The following LPP variants were observed in gnomAD, a reference collection of about 807,000 sequenced individuals.
LPP encodes the protein lipoma-preferred partner.
Under a neutral mutation model 60.4 loss-of-function variants are expected in LPP, and 38 were observed. The ratio of observed to expected loss-of-function variants is 0.63; its 90% CI spans 0.49 to 0.83. LPP has a LOEUF of 0.83. LPP is among the 40% of genes least tolerant of loss of function. The pLI, the probability that LPP is intolerant of heterozygous loss-of-function variation, is 0.00. For synonymous variants in LPP, 328 were observed against 290.8 expected (o/e 1.13, Z -1.30); for missense variants, 902 against 783.6 (o/e 1.15, Z -1.80).
intron 8 of LPP, among the ~76,000 whole-genome samples, chr3:188,739,143 G>A (rs1357861174): frequency 6.6e-6 from 1 of 152,020 alleles, no homozygotes; most frequent in African/African-American, 2.4e-5. Context: ...ATTTGAAGAA[G>A]GAAGAAGTTA....
chr3:188,866,438 C>A, intron 10 of LPP, 60 bp downstream of exon 10: 1 of 1,295,506 alleles, frequency 7.7e-7, no homozygotes, highest in African/African-American at 1.5e-5. Context: ...GTTCTTACTG[C>A]TTGGCATCTG....
intron 9 of LPP, among the ~76,000 whole-genome samples, chr3:188,821,930 T>A (rs574114168): frequency 1.0e-3 from 158 of 152,240 alleles, no homozygotes; most frequent in Non-Finnish European, 1.6e-3. Flanking sequence ...TAAATTATGA[T>A]CTATTGATTT....
At chr3:188,250,618 A>G (rs571334913) in intron 2 of LPP, among the ~76,000 whole-genome samples, 1 of 152,170 alleles carries the variant, frequency 6.6e-6, no homozygotes, top group East Asian at 1.9e-4. Flanking sequence ...CTCTCTTCAC[A>G]TTCATCATTC....
rs558767888 is a variant in LPP, at chr3:188,716,937, A to G, written c.1240+8544A>G. Among the ~76,000 whole-genome samples, 4 of 152,348 alleles carry G rather than the reference A, an allele frequency of 2.6e-5. No homozygotes were observed. In the South Asian group the frequency reaches 8.3e-4, roughly 32 times the overall value. ...CTACCCCTAGATTATCATTATTATTATTACATGATTTCAACTAACATTTAT... is the reference window on the plus strand; with the variant it reads ...CTACCCCTAGATTATCATTATTATTGTTACATGATTTCAACTAACATTTAT... On this transcript the variant is annotated intron_variant, in intron 8 of 11. Transcript: ENST00000617246.
chr3:188,492,740 G>A (rs932047886), intron 5 of LPP, among the ~76,000 whole-genome samples: 2 of 151,980 alleles, frequency 1.3e-5, no homozygotes, highest in African/African-American at 2.4e-5. Context: ...AAAATCAAAC[G>A]ATGTAGATTA....
intron 2 of LPP, among the ~76,000 whole-genome samples, chr3:188,338,332 A>G (rs1347663741): frequency 6.6e-6 from 1 of 152,170 alleles, no homozygotes; most frequent in Non-Finnish European, 1.5e-5. Context: ...GGCAGTCCAT[A>G]TTTGTCATCT....
At chr3:188,498,142 C>T (rs1308161610) in intron 5 of LPP, among the ~76,000 whole-genome samples, 1 of 152,118 alleles carries the variant, frequency 6.6e-6, no homozygotes, top group South Asian at 2.1e-4. Flanking sequence ...ATGACTTGAA[C>T]CTCCTATGTT....
chr3:188,241,180 G>C (rs528823376), intron 2 of LPP, among the ~76,000 whole-genome samples: 1 of 152,328 alleles, frequency 6.6e-6, no homozygotes, highest in African/African-American at 2.4e-5. Flanking sequence ...GCAGAAGGTG[G>C]TGGGTATGGA....
rs954023784 is a variant in LPP at position 188,733,688 on chromosome 3, C to G, written c.1240+25295C>G. Among the ~76,000 whole-genome samples the G allele has an allele frequency of 2.6e-5, 4 of 152,180 alleles. No individual in the cohort carries two copies. The South Asian group carries it at 6.2e-4, about 24-fold the overall frequency. On this transcript the variant is annotated intron_variant, in intron 8 of 11. Coordinates refer to ENST00000617246, the MANE Select transcript of LPP (RefSeq NM_001375462.1). ...GACTTTGCTTGCTCATATCCAAACA[C>G]TTTACCAAATTCAGTTGTTAACAAA...
chr3:188,259,801 G>T (rs949293483), intron 2 of LPP, among the ~76,000 whole-genome samples: 2 of 152,258 alleles, frequency 1.3e-5, no homozygotes, highest in South Asian at 4.1e-4. Flanking sequence ...CGTAAAATCC[G>T]GTGACCTAGT....
intron 7 of LPP, among the ~76,000 whole-genome samples, chr3:188,630,919 G>T (rs1158602547): frequency 6.6e-6 from 1 of 152,108 alleles, no homozygotes; most frequent in Non-Finnish European, 1.5e-5. Flanking sequence ...AAACTAACAT[G>T]AACGGAAAAC....
intron 4 of LPP, among the ~76,000 whole-genome samples, chr3:188,421,877 A>T (rs556106429): frequency 7.9e-5 from 12 of 152,300 alleles, no homozygotes; most frequent in African/African-American, 2.9e-4. Flanking sequence ...CCTGGCCGTG[A>T]TCTTACAGTC....
intron 3 of LPP, among the ~76,000 whole-genome samples, chr3:188,362,452 C>T (rs553487981): frequency 2.6e-5 from 4 of 152,274 alleles, no homozygotes; most frequent in African/African-American, 7.2e-5. Context: ...TCTCCTACAC[C>T]GTTGCCTTAC....
At chr3:188,839,408 A>G (rs1276322458) in intron 9 of LPP, among the ~76,000 whole-genome samples, 1 of 152,196 alleles carries the variant, frequency 6.6e-6, no homozygotes. Flanking sequence ...AGAGCCCCCA[A>G]GGCTTCAGCA....
intron 4 of LPP, among the ~76,000 whole-genome samples, chr3:188,407,791 T>TTTTTTTTTTTTTTTTTTTTG (rs1783984681): frequency 2.0e-4 from 7 of 34,166 alleles, no homozygotes; most frequent in African/African-American, 3.4e-4. Flanking sequence ...TTTGTTTGTT[T>TTTTTTTTTTTTTTTTTTTTG]TTTTTTTTTT....
intron 2 of LPP, among the ~76,000 whole-genome samples, chr3:188,281,449 G>A (rs4485706): frequency 0.73 from 109,905 of 151,272 alleles, 41,079 homozygotes; most frequent in African/African-American, 0.9. Context: ...TAAAAATACA[G>A]AAATATTAGC....
intron 2 of LPP, chr3:188,240,276 T>A (rs972588405): frequency 1.8e-5 from 3 of 170,800 alleles, no homozygotes; most frequent in East Asian, 1.1e-4. Flanking sequence ...GGAACATGGG[T>A]AGGAATAGCT....
chr3:188,344,515 A>G (rs1227674712), intron 3 of LPP, among the ~76,000 whole-genome samples: 2 of 152,126 alleles, frequency 1.3e-5, no homozygotes, highest in Admixed American at 6.6e-5. Flanking sequence ...TTCATCATCT[A>G]ATGACAAAGT....
intron 3 of LPP, among the ~76,000 whole-genome samples, chr3:188,396,321 A>C (rs796320121): frequency 6.6e-6 from 1 of 152,242 alleles, no homozygotes. Flanking sequence ...ATATTCAAAA[A>C]CAGAAAAATA....
Sources: allele counts gnomAD v4.1 joint callset (sites outside exome capture counted in the v4.1 genomes callset), GRCh38; gene constraint gnomAD v4.1.1; transcripts MANE v1.5; gene names NCBI Gene and HGNC (gene_info 2026-07-23, HGNC 2026-07-21).